Variants in SNX25 observed in about 807,000 individuals in gnomAD.
The protein encoded by SNX25 is sorting nexin 25.
A neutral mutation model predicts 113.7 loss-of-function variants in SNX25; 62 were observed. The observed-to-expected ratio is 0.55, with a 90% CI of 0.44 to 0.67. The LOEUF (loss-of-function observed/expected upper bound fraction) is 0.67. Ranked by LOEUF, SNX25 falls within the 30% of genes least tolerant of loss-of-function variation. The probability of loss-of-function intolerance (pLI) is 0.00; values close to 1 mark genes in which losing one functional copy is unlikely to be tolerated. For missense variants in SNX25, 1,014 were observed against 1,161.0 expected (o/e 0.87, Z 1.84); for synonymous variants, 421 against 436.2 (o/e 0.97, Z 0.43).
Position 185,258,907 on chromosome 4 carries a change from G to A in SNX25, c.574G>A (p.Glu192Lys), listed in dbSNP as rs1746833758. The A allele has an allele frequency of 1.2e-6, 2 of 1,614,140 alleles. No individual in the cohort carries two copies. Residue 192 changes from glutamate to lysine, a missense_variant, in exon 3 of 19, where the codon GAG becomes AAG. Glu to Lys is a moderately conservative substitution (Grantham distance 56). Transcript: ENST00000652585. ...CTGGTATGGAAACCTCAGCAGAGATGAGGGACAACTTTACCATCTGCTCTT... is the reference window on the plus strand; with the variant it reads ...CTGGTATGGAAACCTCAGCAGAGATAAGGGACAACTTTACCATCTGCTCTT... ...LSWYGNLSRDEGQLYHLLLED... is the reference protein window; with the variant it reads ...LSWYGNLSRDKGQLYHLLLED...
chr4:185,294,579 C>A (rs973796162), intron 6 of SNX25, among the ~76,000 whole-genome samples: 8 of 152,028 alleles, frequency 5.3e-5, no homozygotes, highest in African/African-American at 1.7e-4. Context: ...GAGAGAATAA[C>A]CTGAAGAGAA....
intron 1 of SNX25, among the ~76,000 whole-genome samples, chr4:185,212,111 C>T (rs1737914363): frequency 6.6e-6 from 1 of 151,824 alleles, no homozygotes; most frequent in Admixed American, 6.6e-5. Context: ...TTATTTTTGT[C>T]CTTGAATTCC....
chr4:185,323,957 A>T (rs543650002), intron 9 of SNX25, among the ~76,000 whole-genome samples, 157 bp downstream of exon 9: 1 of 152,330 alleles, frequency 6.6e-6, no homozygotes, highest in African/African-American at 2.4e-5. Context: ...AATATACAAG[A>T]CCTTAAATAG....
chr4:185,318,862 A>C (rs1278042238), intron 7 of SNX25, among the ~76,000 whole-genome samples: 2 of 152,208 alleles, frequency 1.3e-5, no homozygotes, highest in African/African-American at 4.8e-5. Context: ...TTAAGCTGAA[A>C]GCTGAGTCAT....
intron 6 of SNX25, among the ~76,000 whole-genome samples, chr4:185,306,990 T>C (rs1754556864): frequency 6.6e-6 from 1 of 152,126 alleles, no homozygotes; most frequent in South Asian, 2.1e-4. Context: ...TTGAAGTAAA[T>C]GAAAATGGGA....
At chr4:185,370,976 A>G, downstream of SNX25, 3 of 632,040 alleles carry the variant, frequency 4.7e-6, no homozygotes. Flanking sequence ...TAGGCACCTC[A>G]TACCAGGAGA....
downstream of SNX25, among the ~76,000 whole-genome samples, chr4:185,373,701 T>C (rs143523851): frequency 2.5e-3 from 384 of 152,348 alleles, 2 homozygotes; most frequent in African/African-American, 8.8e-3. Flanking sequence ...CTTCTCCTTA[T>C]AGGATTTTTT....
chr4:185,246,870 T>C (rs1297463350), intron 1 of SNX25, among the ~76,000 whole-genome samples: 2 of 152,206 alleles, frequency 1.3e-5, no homozygotes, highest in Admixed American at 6.5e-5. Flanking sequence ...TTTGGAGTTA[T>C]TTATATACAG....
intron 2 of SNX25, among the ~76,000 whole-genome samples, chr4:185,255,044 A>G (rs1047361109): frequency 6.6e-6 from 1 of 152,044 alleles, no homozygotes; most frequent in East Asian, 1.9e-4. Flanking sequence ...CCCGTAGGGT[A>G]TGTTTTAAAG....
chr4:185,231,438 G>A (rs995468708), intron 1 of SNX25, among the ~76,000 whole-genome samples: 11 of 151,804 alleles, frequency 7.2e-5, no homozygotes, highest in Admixed American at 5.9e-4. Context: ...GGCCGGACGC[G>A]GTGGCTCACA....
intron 13 of SNX25, among the ~76,000 whole-genome samples, chr4:185,347,224 A>G (rs1189196676): frequency 6.6e-6 from 1 of 152,226 alleles, no homozygotes; most frequent in Non-Finnish European, 1.5e-5. Flanking sequence ...GGGTGCTTAT[A>G]TAAACGTCTA....
rs1742439127 is a variant in SNX25, at chr4:185,235,238, C to A, written c.430-12056C>A. Among the ~76,000 whole-genome samples the A allele has an allele frequency of 2.0e-5, 3 of 152,218 alleles. No individual in the cohort carries two copies. In the South Asian group the frequency reaches 6.2e-4, roughly 31 times the overall value. ...TACATGGTGTAATAAGCTACAGAAG[C>A]TTCTGATCTAATCTGCCATTCATCT... On this transcript the variant is annotated intron_variant, in intron 1 of 18. Transcript: ENST00000652585.
chr4:185,204,984 C>A (rs368271203), upstream of SNX25, among the ~76,000 whole-genome samples: 11 of 152,306 alleles, frequency 7.2e-5, no homozygotes, highest in East Asian at 2.1e-3. Context: ...GGTATACAAT[C>A]CAGTAGTTAA....
At chr4:185,329,681 CAGAGAGAGAG>C (rs111361928) in intron 9 of SNX25, among the ~76,000 whole-genome samples, 2 of 148,922 alleles carry the variant, frequency 1.3e-5, no homozygotes, top group African/African-American at 4.9e-5. Flanking sequence ...AAGACAGACA[CAGAGAGAGAG>C]AGAGAGAGAG....
In SNX25 at chr4:185,288,622, G is replaced by A. The variant is rs535300320; in HGVS notation, c.1162+540G>A. ...AGGTTTTGTTGGGGGGTGGGGGGGTGGTGTATATATATATTGCTCTATCTT... is the reference window on the plus strand; with the variant it reads ...AGGTTTTGTTGGGGGGTGGGGGGGTAGTGTATATATATATTGCTCTATCTT... On this transcript the variant is annotated intron_variant, in intron 6 of 18. Coordinates refer to ENST00000652585, the MANE Select transcript of SNX25 (RefSeq NM_001378034.2). 1.1e-4 allele frequency among the ~76,000 whole-genome samples: 15 copies of A among 141,742 alleles called. No homozygotes were observed. In the East Asian group the frequency reaches 2.7e-3, roughly 26 times the overall value. The allele number at this position is 141,742 out of a possible 152,430, so 93.0% of individuals were successfully genotyped here. A position where few individuals can be genotyped will look rare whatever the true frequency, so the allele number is the denominator to read the frequency against.
chr4:185,246,741 C>G (rs73873412), intron 1 of SNX25, among the ~76,000 whole-genome samples: 4,332 of 152,184 alleles, frequency 0.028, 93 homozygotes, highest in Middle Eastern at 0.068. Flanking sequence ...CCCTTCATAC[C>G]ATTTGGATTT....
chr4:185,358,586 G>C (rs2095349075), intron 16 of SNX25, among the ~76,000 whole-genome samples: 1 of 152,176 alleles, frequency 6.6e-6, no homozygotes. Flanking sequence ...TCATTTTGTT[G>C]GTGAAGAAGT....
chr4:185,251,700 A>G (rs1411859941), intron 2 of SNX25, among the ~76,000 whole-genome samples: 2 of 151,112 alleles, frequency 1.3e-5, no homozygotes, highest in Admixed American at 1.3e-4. Flanking sequence ...CCTTTTGGCT[A>G]TTGTAATTGA....
chr4:185,368,335 G>A (rs1180660426), downstream of SNX25, among the ~76,000 whole-genome samples: 1 of 152,172 alleles, frequency 6.6e-6, no homozygotes, highest in East Asian at 1.9e-4. Flanking sequence ...AGAGCCGAGA[G>A]CAGGCCTGGG....
Sources: gnomAD v4.1 joint callset for allele counts (sites outside exome capture counted in the v4.1 genomes callset) on GRCh38, gnomAD v4.1.1 for gene constraint, MANE v1.5 for transcripts, NCBI Gene and HGNC (gene_info 2026-07-23, HGNC 2026-07-21) for gene names.